Variants in MRTFA observed in about 807,000 individuals in gnomAD.
MRTFA encodes the protein myocardin-related transcription factor A.
Under a neutral mutation model 83.5 loss-of-function variants are expected in MRTFA, and 20 were observed. The observed-to-expected ratio is 0.24, with a 90% CI of 0.17 to 0.35. The LOEUF (loss-of-function observed/expected upper bound fraction) is 0.35. Ranked by LOEUF, MRTFA falls within the 10% of genes least tolerant of loss-of-function variation. The pLI is 1.00. For synonymous variants in MRTFA, 659 were observed against 541.2 expected (o/e 1.22, Z -3.02); for missense variants, 1,200 against 1,224.7 (o/e 0.98, Z 0.30).
At chr22:40,443,093 CA>C (rs2053309180) in intron 4 of MRTFA, among the ~76,000 whole-genome samples, 1 of 151,884 alleles carries the variant, frequency 6.6e-6, no homozygotes, top group South Asian at 2.1e-4. Flanking sequence ...CTCTACTAAA[CA>C]GACAAAAATT....
At chr22:40,420,136 C>T (rs747734030) in intron 11 of MRTFA, among the ~76,000 whole-genome samples, 33 of 152,320 alleles carry the variant, frequency 2.2e-4, no homozygotes, top group Non-Finnish European at 3.7e-4. Context: ...AAGAGACATG[C>T]GACTGCCTGG....
At chr22:40,589,734 A>T (rs2056090213) in intron 2 of MRTFA, among the ~76,000 whole-genome samples, 1 of 152,202 alleles carries the variant, frequency 6.6e-6, no homozygotes, top group Non-Finnish European at 1.5e-5. Context: ...GCACTTAAAA[A>T]TTCATATTAC....
chr22:40,487,496 T>A (rs1299820102), intron 3 of MRTFA, among the ~76,000 whole-genome samples: 2 of 152,026 alleles, frequency 1.3e-5, no homozygotes, highest in African/African-American at 2.4e-5. Context: ...ACCAAGAACT[T>A]TGGGTTCTTG....
chr22:40,573,031 T>A (rs997535529), intron 2 of MRTFA, among the ~76,000 whole-genome samples: 3 of 152,098 alleles, frequency 2.0e-5, no homozygotes, highest in African/African-American at 7.2e-5. Flanking sequence ...GACCACATAT[T>A]GTATTATCCA....
intron 3 of MRTFA, among the ~76,000 whole-genome samples, chr22:40,545,040 T>C (rs1814540788): frequency 6.6e-6 from 1 of 151,698 alleles, no homozygotes; most frequent in African/African-American, 2.4e-5. Flanking sequence ...TTGGTATATA[T>C]ATAAAATAAC....
At position 40,546,078 on chromosome 22, in the gene MRTFA, G is replaced by A. The variant is rs551164489; in HGVS notation, c.241+6028C>T. Among the ~76,000 whole-genome samples, 102 of 152,328 alleles carry A rather than the reference G, an allele frequency of 6.7e-4. 1 individual carries two copies. Among genetic ancestry groups the A allele is most frequent in the African/African-American group, 2.3e-3 (94 of 41,580 alleles). On this transcript the variant is annotated intron_variant, in intron 3 of 14. Transcript: ENST00000355630. The stretch of plus-strand genomic sequence containing the variant: ...CTTCTATGTGAAACAGATCAAAGAA[G>A]TACATTTCTCACTCCACTCTCTCAA...
intron 2 of MRTFA, among the ~76,000 whole-genome samples, chr22:40,579,617 T>C (rs1170190684): frequency 1.3e-5 from 2 of 152,020 alleles, no homozygotes; most frequent in South Asian, 2.1e-4. Context: ...CCCAACACTT[T>C]AGGAGGCCAA....
In MRTFA at chr22:40,497,023, C is replaced by T. The variant is rs1407746335; in HGVS notation, c.242-33737G>A. Among the ~76,000 whole-genome samples the T allele has an allele frequency of 2.0e-5, 3 of 152,196 alleles. No homozygotes were observed. The East Asian group carries it at 5.8e-4, about 29-fold the overall frequency. ...TTTTTCTGTCAATACTTACTGTCTG[C>T]CTATCAAGTACCAGGTGTTGTGGAC... On this transcript the variant is annotated intron_variant, in intron 3 of 14. Coordinates refer to ENST00000355630, the MANE Select transcript of MRTFA (RefSeq NM_020831.6).
intron 3 of MRTFA, among the ~76,000 whole-genome samples, chr22:40,543,335 C>T (rs1028175140): frequency 6.6e-6 from 1 of 152,132 alleles, no homozygotes; most frequent in Non-Finnish European, 1.5e-5. Flanking sequence ...AGTTCGTACC[C>T]TTACAGAAAA....
chr22:40,563,901 G>GA (rs1294319640), intron 2 of MRTFA, among the ~76,000 whole-genome samples: 1 of 152,116 alleles, frequency 6.6e-6, no homozygotes, highest in Non-Finnish European at 1.5e-5. Context: ...GACTGGATTG[G>GA]AAAAAAGAAA....
At chr22:40,594,110 T>C (rs1401310970) in intron 2 of MRTFA, among the ~76,000 whole-genome samples, 1 of 152,218 alleles carries the variant, frequency 6.6e-6, no homozygotes, top group African/African-American at 2.4e-5. Context: ...GAGCTTAAGA[T>C]AGGAACAAAG....
At chr22:40,569,795 CTGTT>C (rs1196177782) in intron 2 of MRTFA, 2 of 152,388 alleles carry the variant, frequency 1.3e-5, no homozygotes, top group Non-Finnish European at 2.9e-5. Flanking sequence ...GGTGATGTCT[CTGTT>C]TGTGAATGGT....
chr22:40,606,909 A>G (rs2056324367), intron 1 of MRTFA, among the ~76,000 whole-genome samples: 1 of 152,224 alleles, frequency 6.6e-6, no homozygotes, highest in Non-Finnish European at 1.5e-5. Context: ...TCATGTACAA[A>G]AATCATTATC....
Position 40,416,868 on chromosome 22 carries a change from G to A in MRTFA, c.2578+118C>T. 1 of 971,500 alleles carries A rather than the reference G, an allele frequency of 1.0e-6. No individual in the cohort carries two copies. The allele number at this position is 971,500 out of a possible 1,614,324, so 60.2% of individuals were successfully genotyped here. A position where few individuals can be genotyped will look rare whatever the true frequency, so the allele number is the denominator to read the frequency against. On this transcript the variant is annotated intron_variant, in intron 14 of 14. Coordinates refer to ENST00000355630, the MANE Select transcript of MRTFA (RefSeq NM_020831.6). This position sits in a 1 kb window ranked among gnomAD's most constrained non-coding sequence, Gnocchi z 4.2. ...GCTCACAGCCACCACTGCATCCACA[G>A]TGCTTGCCCAAGACTGGTCACGCAC... is the stretch of plus-strand genomic sequence containing the variant.
At chr22:40,457,452 A>AAG (rs2053608935) in intron 4 of MRTFA, among the ~76,000 whole-genome samples, 2 of 138,448 alleles carry the variant, frequency 1.4e-5, no homozygotes, top group South Asian at 4.3e-4. Flanking sequence ...GAAAGAAAGA[A>AAG]AGAAAGAAAG....
intron 3 of MRTFA, chr22:40,533,746 A>C (rs2055121484): frequency 1.9e-6 from 1 of 522,624 alleles, no homozygotes. Context: ...CCTTATGCTC[A>C]AATCAGACTG....
chr22:40,586,987 C>T (rs200636432), intron 2 of MRTFA: 29 of 458,356 alleles, frequency 6.3e-5, no homozygotes, highest in African/African-American at 5.4e-4. Flanking sequence ...TGGTTGCTGG[C>T]CTGGCAAAGC....
At chr22:40,489,429 T>A (rs1752038667) in intron 3 of MRTFA, among the ~76,000 whole-genome samples, 2 of 151,758 alleles carry the variant, frequency 1.3e-5, no homozygotes. Context: ...GGTTCTAGCC[T>A]CCTGTGTAGC....
At chr22:40,577,764 G>A (rs1291505923) in intron 2 of MRTFA, among the ~76,000 whole-genome samples, 1 of 151,692 alleles carries the variant, frequency 6.6e-6, no homozygotes, top group Non-Finnish European at 1.5e-5. Flanking sequence ...ACACCACCAT[G>A]CCCGGCTAAT....
Sources: allele counts gnomAD v4.1 joint callset (sites outside exome capture counted in the v4.1 genomes callset), GRCh38; gene constraint gnomAD v4.1.1; non-coding constraint Gnocchi (gnomAD v3.1); transcripts MANE v1.5; gene names NCBI Gene and HGNC (gene_info 2026-07-23, HGNC 2026-07-21).